Variants in TRPM3 observed in about 807,000 individuals in gnomAD.
TRPM3 encodes the protein transient receptor potential cation channel subfamily M member 3, also known as long transient receptor potential channel 3.
In TRPM3, 77 loss-of-function variants were observed where a neutral mutation model predicts 181.2. The ratio of observed to expected loss-of-function variants is 0.42; its 90% confidence interval spans 0.35 to 0.51. TRPM3 has a LOEUF of 0.51. Ranked by LOEUF, TRPM3 falls within the 20% of genes least tolerant of loss-of-function variation. TRPM3 has a pLI of 0.01. For missense variants in TRPM3, 1,759 were observed against 2,196.7 expected, an observed-to-expected ratio of 0.80 and a Z score of 3.98; for synonymous variants, 745 against 796.4, an observed-to-expected ratio of 0.94 and a Z score of 1.09.
chr9:70,789,581 A>G (rs914516954), intron 6 of TRPM3, among the ~76,000 whole-genome samples: 6 of 152,188 alleles, frequency 3.9e-5, no homozygotes, highest in Admixed American at 1.3e-4. Context: ...ACCATCACCA[A>G]AGACTTGTCA....
chr9:71,336,615 A>G (rs7037344), intron 1 of TRPM3, among the ~76,000 whole-genome samples: 136,153 of 152,122 alleles, frequency 0.9, 61,598 homozygotes, highest in East Asian at 0.97. Flanking sequence ...TAAATTTCAT[A>G]TGGGACCAAA....
intron 1 of TRPM3, among the ~76,000 whole-genome samples, chr9:70,988,190 G>T (rs895293050): frequency 2.4e-4 from 37 of 152,132 alleles, no homozygotes; most frequent in Non-Finnish European, 8.8e-5. Flanking sequence ...TCAGGCTGTG[G>T]TCTAGTGAAT....
At chr9:71,284,045 A>T (rs1424206305) in intron 1 of TRPM3, among the ~76,000 whole-genome samples, 1 of 152,204 alleles carries the variant, frequency 6.6e-6, no homozygotes, top group African/African-American at 2.4e-5. Context: ...CTTGCTAGCT[A>T]AATGACCCTG....
At chr9:71,436,679 C>T (rs1179060180) in intron 1 of TRPM3, among the ~76,000 whole-genome samples, 1 of 152,024 alleles carries the variant, frequency 6.6e-6, no homozygotes, top group Non-Finnish European at 1.5e-5. Context: ...GGACCATGAG[C>T]CAAGGAATGT....
chr9:71,439,868 C>A (rs1430797258), intron 1 of TRPM3, among the ~76,000 whole-genome samples: 1 of 152,056 alleles, frequency 6.6e-6, no homozygotes, highest in African/African-American at 2.4e-5. Context: ...CACCTGTAAT[C>A]CCAGCACTTT....
intron 9 of TRPM3, among the ~76,000 whole-genome samples, chr9:70,647,626 T>G (rs1388397706): frequency 6.6e-6 from 1 of 152,132 alleles, no homozygotes; most frequent in Non-Finnish European, 1.5e-5. Context: ...CCTTGAGAAC[T>G]GGAACAAGAC....
At chr9:71,441,024 A>C (rs969054946) in intron 1 of TRPM3, among the ~76,000 whole-genome samples, 3 of 152,166 alleles carry the variant, frequency 2.0e-5, no homozygotes, top group Non-Finnish European at 4.4e-5. Context: ...CAATGCAAAG[A>C]TATTTTACTC....
chr9:70,787,763 C>CTTTTTTTTTTTTTTTTTTTTGTTTTTT (rs2084054300), intron 6 of TRPM3, among the ~76,000 whole-genome samples: 3 of 68,556 alleles, frequency 4.4e-5, no homozygotes, highest in Non-Finnish European at 7.9e-5. Context: ...TTTTTGGATT[C>CTTTTTTTTTTTTTTTTTTTTGTTTTTT]TTTTTTTTTT....
intron 8 of TRPM3, among the ~76,000 whole-genome samples, chr9:70,695,121 C>G (rs1023572608): frequency 1.3e-5 from 2 of 152,216 alleles, no homozygotes; most frequent in Non-Finnish European, 2.9e-5. Context: ...TCCCATGCCC[C>G]TCACAACAAC....
intron 1 of TRPM3, among the ~76,000 whole-genome samples, chr9:70,937,397 G>T (rs1295899635): frequency 6.6e-6 from 1 of 152,096 alleles, no homozygotes; most frequent in South Asian, 2.1e-4. Flanking sequence ...GTCTTTTCAA[G>T]TTCTGAACTG....
intron 1 of TRPM3, among the ~76,000 whole-genome samples, chr9:70,957,825 T>G (rs1007539124): frequency 6.6e-6 from 1 of 152,156 alleles, no homozygotes; most frequent in African/African-American, 2.4e-5. Context: ...AATATGAAAG[T>G]CCTCTTCTAG....
At chr9:71,425,460 T>C (rs1469767169) in intron 1 of TRPM3, among the ~76,000 whole-genome samples, 1 of 152,132 alleles carries the variant, frequency 6.6e-6, no homozygotes, top group East Asian at 1.9e-4. Context: ...CCATTCTTGA[T>C]TCATGTGCCT....
chr9:70,787,137 T>C (rs2083850734), intron 6 of TRPM3, among the ~76,000 whole-genome samples: 1 of 152,158 alleles, frequency 6.6e-6, no homozygotes, highest in Admixed American at 6.6e-5. Context: ...TGTCAATGTA[T>C]CAAAATATTA....
intron 1 of TRPM3, among the ~76,000 whole-genome samples, chr9:71,174,216 A>G (rs186167050): frequency 2.0e-5 from 3 of 152,324 alleles, no homozygotes; most frequent in East Asian, 3.9e-4. Flanking sequence ...CATCGCAGGA[A>G]AATTAAGTTG....
intron 1 of TRPM3, among the ~76,000 whole-genome samples, chr9:71,180,556 C>T (rs999283611): frequency 2.6e-5 from 4 of 152,122 alleles, no homozygotes; most frequent in East Asian, 1.9e-4. Flanking sequence ...CAAGGTTGAA[C>T]GAATTTCTCA....
chr9:71,189,790 G>A (rs746708454), intron 1 of TRPM3, among the ~76,000 whole-genome samples: 3 of 151,692 alleles, frequency 2.0e-5, no homozygotes, highest in Admixed American at 6.6e-5. Flanking sequence ...AGCTCTTGCT[G>A]TATATATCTT....
intron 1 of TRPM3, among the ~76,000 whole-genome samples, chr9:71,250,411 T>C (rs1364344767): frequency 6.6e-6 from 1 of 152,174 alleles, no homozygotes; most frequent in Non-Finnish European, 1.5e-5. Flanking sequence ...TTTTGGACCA[T>C]CTTCGTTGGA....
intron 1 of TRPM3, among the ~76,000 whole-genome samples, chr9:71,153,751 G>T (rs1423042854): frequency 6.6e-6 from 1 of 152,028 alleles, no homozygotes; most frequent in East Asian, 1.9e-4. Flanking sequence ...AGAGTGATTT[G>T]CACCCTCATT....
Position 71,253,505 on chromosome 9 carries a change from A to G in TRPM3, c.183+193148T>C, listed in dbSNP as rs948479363. On this transcript the variant is annotated intron_variant, in intron 1 of 24. Coordinates refer to the TRPM3 transcript ENST00000357533. ...TAAGCATTACATAGCCAAAAATGTC[A>G]ATAGTGCCAAGGTTGAGACATCTGG... is the stretch of plus-strand genomic sequence containing the variant. Among the ~76,000 whole-genome samples the G allele has an allele frequency of 3.3e-5, 5 of 152,206 alleles. No homozygotes were observed. In the East Asian group the frequency reaches 7.7e-4, roughly 23 times the overall value.
Sources: allele counts gnomAD v4.1 joint callset (sites outside exome capture counted in the v4.1 genomes callset), GRCh38; gene constraint gnomAD v4.1.1; transcripts MANE v1.5; gene names NCBI Gene and HGNC (gene_info 2026-07-23, HGNC 2026-07-21).